Variants in AOX1 observed in about 807,000 individuals in gnomAD.
AOX1 encodes aldehyde oxidase 1.
In AOX1, 153 loss-of-function variants were observed where a neutral mutation model predicts 169.5. The ratio of observed to expected loss-of-function variants is 0.90; its 90% confidence interval spans 0.79 to 1.03. The LOEUF (loss-of-function observed/expected upper bound fraction) is 1.03, where lower values mean the gene tolerates loss of function less well. Ranked by LOEUF, AOX1 falls within the 50% of genes least tolerant of loss-of-function variation. AOX1 has a pLI of 0.00. For synonymous variants in AOX1, 562 were observed against 581.9 expected, an observed-to-expected ratio of 0.97 and a Z score of 0.49; for missense variants, 1,656 against 1,663.9, an observed-to-expected ratio of 1.00 and a Z score of 0.08.
At chr2:200,592,288 G>A (rs1392693817) in intron 1 of AOX1, among the ~76,000 whole-genome samples, 1 of 152,186 alleles carries the variant, frequency 6.6e-6, no homozygotes, top group Non-Finnish European at 1.5e-5. Flanking sequence ...AGAATTGAGG[G>A]TGAGGCAGCA....
intron 14 of AOX1, among the ~76,000 whole-genome samples, chr2:200,613,027 T>TGTGTGTGAGAGAGA (rs112472592): frequency 2.1e-5 from 3 of 146,208 alleles, no homozygotes; most frequent in South Asian, 2.2e-4. Context: ...TGTGTGTGTG[T>TGTGTGTGAGAGAGA]GAGAGAGAGA....
chr2:200,593,237 G>A, intron 2 of AOX1, 34 bp downstream of exon 2: 2 of 1,533,456 alleles, frequency 1.3e-6, no homozygotes, highest in Non-Finnish European at 1.8e-6. Context: ...GTGTATGTGT[G>A]TGTGTATTTG....
chr2:200,605,557 G>A lies in AOX1; in HGVS notation c.836G>A (p.Gly279Asp), dbSNP rs773865710. The part of the protein sequence containing the change: ...TSVGPEVKFK[G>D]VFHPVIISPD... ...TTAGGGCCTGAAGTGAAATTTAAAG[G>A]CGTCTTTCACCCAGTTATAATTTCT... The change falls in exon 10 of 35, where the codon GGC becomes GAC. Residue 279 changes from glycine (G) to aspartate (D), a missense_variant. Transcript: ENST00000374700. 2.6e-6 allele frequency: 4 copies of A among 1,552,504 alleles called. No individual in the cohort carries two copies. The highest frequency in any genetic ancestry group is 1.3e-5 in the South Asian group (1 of 78,928).
At chr2:200,598,751 A>C (rs924501936) in intron 4 of AOX1, among the ~76,000 whole-genome samples, 2 of 152,124 alleles carry the variant, frequency 1.3e-5, no homozygotes, top group African/African-American at 2.4e-5. Context: ...CTCAAAAAAA[A>C]AAAAAGCCAC....
chr2:200,619,756 AG>A (rs1375539797), intron 16 of AOX1, among the ~76,000 whole-genome samples: 9 of 152,216 alleles, frequency 5.9e-5, no homozygotes, highest in African/African-American at 2.2e-4. Context: ...CTCCAATTGC[AG>A]GTCCCTTTGG....
intron 8 of AOX1, 114 bp downstream of exon 8, chr2:200,604,211 G>C: frequency 1.3e-6 from 1 of 764,486 alleles, no homozygotes; most frequent in South Asian, 1.6e-5. Context: ...AGGCCTCTCT[G>C]TCATCCTTAG....
At chr2:200,648,309 C>A (rs899007107) in intron 25 of AOX1, among the ~76,000 whole-genome samples, 2 of 152,208 alleles carry the variant, frequency 1.3e-5, no homozygotes, top group African/African-American at 4.8e-5. Flanking sequence ...CTCCCCCTTT[C>A]CCTATGGATG....
intron 19 of AOX1, among the ~76,000 whole-genome samples, chr2:200,626,498 A>G (rs979084272): frequency 2.6e-5 from 4 of 152,250 alleles, no homozygotes; most frequent in African/African-American, 9.6e-5. Context: ...GATTACTGCA[A>G]GATAAATTCT....
At chr2:200,588,520 G>A (rs901731351) in intron 1 of AOX1, among the ~76,000 whole-genome samples, 2 of 151,928 alleles carry the variant, frequency 1.3e-5, no homozygotes, top group African/African-American at 4.8e-5. Context: ...TCTTATCTAC[G>A]GACTCACTTT....
Position 200,605,529 on chromosome 2 carries a change from C to A in AOX1, c.815-7C>A, listed in dbSNP as rs758712449. 54 of 1,417,608 alleles carry A rather than the reference C, an allele frequency of 3.8e-5. 1 individual carries two copies. Among genetic ancestry groups the A allele is most frequent in the Non-Finnish European group, 4.9e-5 (52 of 1,068,644 alleles). The allele number at this position is 1,417,608 out of a possible 1,614,324, so 87.8% of individuals were successfully genotyped here. ...TTATTGATTTTTTTTTTTTTTTGAT[C>A]CTTTAGGGCCTGAAGTGAAATTTAA... On this transcript the variant is annotated splice_polypyrimidine_tract_variant and splice_region_variant and intron_variant, in intron 9 of 34. Coordinates refer to ENST00000374700, the MANE Select transcript of AOX1 (RefSeq NM_001159.4).
At chr2:200,631,029 T>C (rs527872161) in intron 20 of AOX1, among the ~76,000 whole-genome samples, 1 of 152,030 alleles carries the variant, frequency 6.6e-6, no homozygotes, top group East Asian at 1.9e-4. Context: ...AGAAAGAAGA[T>C]AGGTGTTCCA....
intron 1 of AOX1, among the ~76,000 whole-genome samples, chr2:200,591,051 A>G (rs13400369): frequency 0.17 from 26,422 of 152,148 alleles, 2,499 homozygotes; most frequent in Non-Finnish European, 0.21. Context: ...TTTTTCATCT[A>G]TTCAGATGCC....
chr2:200,668,870 A>C, intron 33 of AOX1, 67 bp downstream of exon 33: 1 of 1,377,642 alleles, frequency 7.3e-7, no homozygotes, highest in Non-Finnish European at 1.0e-6. Flanking sequence ...GGAAGGCTAC[A>C]TTCCTCTCTT....
chr2:200,604,902 G>T (rs13406379), intron 9 of AOX1, 62 bp downstream of exon 9: 1,220 of 1,239,580 alleles, frequency 9.8e-4, no homozygotes, highest in East Asian at 1.8e-3. Context: ...GGATGGGGCC[G>T]GGGTGGGCTG....
chr2:200,662,046 A>G (rs1202103396), intron 30 of AOX1, among the ~76,000 whole-genome samples: 1 of 152,264 alleles, frequency 6.6e-6, no homozygotes, highest in Non-Finnish European at 1.5e-5. Context: ...GGCAAAAAAG[A>G]AATTGGACCA....
intron 13 of AOX1, 31 bp from the exon 14 acceptor site, chr2:200,612,578 T>C: frequency 6.2e-7 from 1 of 1,607,310 alleles, no homozygotes; most frequent in African/African-American, 1.3e-5. Flanking sequence ...GCTCAGTGTT[T>C]CTACATGTGC....
rs1178743003 is a variant in AOX1, at chr2:200,613,940, G to C, written c.1585G>C (p.Glu529Gln). 1.3e-5 allele frequency: 21 copies of C among 1,612,266 alleles called. No individual in the cohort carries two copies. In the Middle Eastern group the frequency reaches 1.1e-3, roughly 82 times the overall value. ...IISFLFKFYL[E>Q]VSQILKKMDP... ...CAGCTTCCTCTTCAAGTTCTACCTG[G>C]AAGTGTCACAGATTTTGAAAAAGAT... is the stretch of plus-strand genomic sequence containing the variant. The change falls in exon 15 of 35, where the codon GAA becomes CAA. Residue 529 changes from glutamate (E) to glutamine (Q), a missense_variant. Transcript: ENST00000374700.
chr2:200,636,083 C>G (rs1214311596), intron 21 of AOX1, among the ~76,000 whole-genome samples: 1 of 123,078 alleles, frequency 8.1e-6, no homozygotes, highest in Non-Finnish European at 1.6e-5. Flanking sequence ...AACTGGTCAT[C>G]TTTAGCAGCA....
Position 200,630,981 on chromosome 2 carries a change from G to A in AOX1, c.2221+3532G>A, listed in dbSNP as rs182157380. Among the ~76,000 whole-genome samples, 7 of 152,058 alleles carry A rather than the reference G, an allele frequency of 4.6e-5. No homozygotes were observed. In the East Asian group the frequency reaches 1.2e-3, roughly 25 times the overall value. ...CCTATGAAGCAAACCTGCACATCCT[G>A]CACATGTACCCCAGAACTTAAAAGT... On this transcript the variant is annotated intron_variant, in intron 20 of 34. Transcript: ENST00000374700.
Sources: allele counts gnomAD v4.1 joint callset (sites outside exome capture counted in the v4.1 genomes callset), GRCh38; gene constraint gnomAD v4.1.1; transcripts MANE v1.5; gene names NCBI Gene and HGNC (gene_info 2026-07-23, HGNC 2026-07-21).